INSC: variants seen among roughly 807,000 people sequenced by gnomAD.
The protein encoded by INSC is INSC spindle orientation adaptor protein.
A neutral mutation model predicts 58.6 loss-of-function variants in INSC; 67 were observed. The ratio of observed to expected loss-of-function variants is 1.14; its 90% CI spans 0.94 to 1.40. The LOEUF is 1.40. Ranked by LOEUF, INSC falls within the 40% of genes most tolerant of loss-of-function variation. The probability of loss-of-function intolerance (pLI) is 0.00; values close to 1 mark genes in which losing one functional copy is unlikely to be tolerated. For missense variants in INSC, 714 were observed against 692.0 expected, an observed-to-expected ratio of 1.03 and a Z score of -0.36; for synonymous variants, 262 against 276.1, an observed-to-expected ratio of 0.95 and a Z score of 0.51.
the INSC span, among the ~76,000 whole-genome samples, chr11:15,264,635 T>C: frequency 6.7e-6 from 1 of 150,270 alleles, no homozygotes; most frequent in Non-Finnish European, 1.5e-5. Context: ...ATCTCTATTC[T>C]GCTGCGGCTA....
chr11:15,151,648 G>A (rs1848654872), intron 2 of INSC, among the ~76,000 whole-genome samples: 1 of 152,096 alleles, frequency 6.6e-6, no homozygotes, highest in African/African-American at 2.4e-5. Context: ...GGTGCTGCTG[G>A]AACATAGCCA....
At chr11:15,113,128 T>TCTTC, upstream of INSC, among the ~76,000 whole-genome samples, 1 of 125,044 alleles carries the variant, frequency 8.0e-6, no homozygotes, top group South Asian at 2.8e-4. Context: ...TCTCTTTCTT[T>TCTTC]CTTTCTTTCT....
chr11:15,114,632 C>T (rs1294312087), upstream of INSC, among the ~76,000 whole-genome samples: 1 of 152,182 alleles, frequency 6.6e-6, no homozygotes, highest in Non-Finnish European at 1.5e-5. Flanking sequence ...CCGCCTGGCC[C>T]GGGGGAGCCC....
chr11:15,150,600 A>G (rs1848619289), intron 2 of INSC, among the ~76,000 whole-genome samples: 1 of 152,220 alleles, frequency 6.6e-6, no homozygotes, highest in African/African-American at 2.4e-5. Context: ...GTGAATAAAT[A>G]GCAGCACAAA....
At chr11:15,199,962 G>T (rs1850515183) in intron 6 of INSC, among the ~76,000 whole-genome samples, 1 of 152,134 alleles carries the variant, frequency 6.6e-6, no homozygotes, top group East Asian at 1.9e-4. Flanking sequence ...GCTAAGGTTG[G>T]CTCCAGCGAT....
At chr11:15,116,088 A>G (rs554013401) in intron 1 of INSC, among the ~76,000 whole-genome samples, 14 of 152,316 alleles carry the variant, frequency 9.2e-5, no homozygotes, top group African/African-American at 3.4e-4. Flanking sequence ...GAGGCTGTCC[A>G]TGGAGCTCAG....
At chr11:15,192,022 A>G (rs1261508192) in intron 6 of INSC, among the ~76,000 whole-genome samples, 3 of 152,228 alleles carry the variant, frequency 2.0e-5, no homozygotes, top group Admixed American at 6.5e-5. Flanking sequence ...AAATGCAAGG[A>G]TTTGCTCAAG....
chr11:15,243,980 C>CT (rs1852462929), intron 12 of INSC, among the ~76,000 whole-genome samples: 1 of 144,114 alleles, frequency 6.9e-6, no homozygotes, highest in Admixed American at 6.9e-5. Flanking sequence ...CCTTCTTGTT[C>CT]TTTTTTCTCT....
chr11:15,230,024 ATATAT>A (rs1851863841), intron 9 of INSC, among the ~76,000 whole-genome samples: 2 of 64,646 alleles, frequency 3.1e-5, no homozygotes, highest in African/African-American at 1.2e-4. Flanking sequence ...ATATATATAT[ATATAT>A]ATATATATAT....
intron 6 of INSC, among the ~76,000 whole-genome samples, chr11:15,199,598 G>A (rs1850501359): frequency 6.6e-6 from 1 of 152,214 alleles, no homozygotes; most frequent in Non-Finnish European, 1.5e-5. Context: ...TGTTGTCAGA[G>A]TTCTCAAAAA....
chr11:15,190,913 C>T, intron 6 of INSC, 99 bp downstream of exon 6: 1 of 774,312 alleles, frequency 1.3e-6, no homozygotes, highest in Non-Finnish European at 2.3e-6. Context: ...TCTGTCTTGG[C>T]CCCTGCATTA....
intron 1 of INSC, among the ~76,000 whole-genome samples, chr11:15,126,380 G>A (rs900143535): frequency 6.6e-6 from 1 of 152,152 alleles, no homozygotes; most frequent in African/African-American, 2.4e-5. Context: ...CCTATAACTC[G>A]AAGCCACCTT....
chr11:15,142,789 C>G (rs1288150556), intron 1 of INSC, among the ~76,000 whole-genome samples: 1 of 151,896 alleles, frequency 6.6e-6, no homozygotes, highest in Admixed American at 6.6e-5. Flanking sequence ...GGATGCAGAG[C>G]ACTTTCTTTT....
At position 15,235,665 on chromosome 11, in the gene INSC, A is replaced by G; in HGVS notation, c.1234A>G (p.Asn412Asp). ...GTGTGCCTCTGACATCATTCAGGAA[A>G]ATGGTATGTCTTTGCAGCATTGTAC... Reference protein sequence around the residue: ...EQCASDIIQENGVQLIMGMLS... With the variant: ...EQCASDIIQEDGVQLIMGMLS... Residue 412 changes from asparagine (N) to aspartate (D), a missense_variant, in exon 10 of 13, where the codon AAT becomes GAT. Transcript: ENST00000379556. 6.2e-7 allele frequency: 1 copy of G among 1,612,506 alleles called. No homozygotes were observed. The highest frequency in any genetic ancestry group is 8.5e-7 in the Non-Finnish European group (1 of 1,178,536).
chr11:15,165,213 T>C (rs1293572394), intron 2 of INSC, among the ~76,000 whole-genome samples: 9 of 152,138 alleles, frequency 5.9e-5, no homozygotes, highest in Admixed American at 1.3e-4. Context: ...TTTGAAGAGA[T>C]TGGAAAAATA....
intron 7 of INSC, among the ~76,000 whole-genome samples, chr11:15,213,993 T>G (rs1489458176): frequency 6.6e-6 from 1 of 152,194 alleles, no homozygotes; most frequent in Non-Finnish European, 1.5e-5. Flanking sequence ...CCTCTTAGAC[T>G]GTTGCAGACG....
At chr11:15,123,743 A>G (rs1404085942) in intron 1 of INSC, among the ~76,000 whole-genome samples, 4 of 152,158 alleles carry the variant, frequency 2.6e-5, no homozygotes, top group African/African-American at 4.8e-5. Flanking sequence ...ATCTATCCTT[A>G]TCTCTGGTTT....
chr11:15,127,081 T>C (rs1485910913), intron 1 of INSC, among the ~76,000 whole-genome samples: 1 of 152,156 alleles, frequency 6.6e-6, no homozygotes, highest in Non-Finnish European at 1.5e-5. Flanking sequence ...AGGGGATATC[T>C]TGTGCCTGAG....
the INSC span, among the ~76,000 whole-genome samples, chr11:15,260,572 G>T: frequency 6.6e-6 from 1 of 152,106 alleles, no homozygotes; most frequent in Non-Finnish European, 1.5e-5. Flanking sequence ...AATAATATAT[G>T]GGATGTGTCT....
Sources: gnomAD v4.1 joint callset for allele counts (sites outside exome capture counted in the v4.1 genomes callset) on GRCh38, gnomAD v4.1.1 for gene constraint, MANE v1.5 for transcripts, NCBI Gene and HGNC (gene_info 2026-07-23, HGNC 2026-07-21) for gene names.